The following ZNF892 variants were observed in gnomAD, a reference collection of about 807,000 sequenced individuals.
ZNF892 encodes zinc finger protein 892.
the ZNF892 span, chr2:95,215,609 A>T: frequency 2.5e-6 from 1 of 400,238 alleles, no homozygotes; most frequent in Non-Finnish European, 4.4e-6. Context: ...GATAAAGACT[A>T]TGTAAATGTG....
the ZNF892 span, among the ~76,000 whole-genome samples, chr2:95,211,126 A>G: frequency 6.6e-6 from 1 of 152,166 alleles, no homozygotes; most frequent in Non-Finnish European, 1.5e-5. Context: ...AAATAAGTCT[A>G]TATTCTGTGA....
At chr2:95,211,784 C>T in the ZNF892 span, 1 of 398,112 alleles carries the variant, frequency 2.5e-6, no homozygotes, top group South Asian at 1.3e-4. Flanking sequence ...TCCTCAGTTC[C>T]TAGGAGCTCC....
the ZNF892 span, among the ~76,000 whole-genome samples, chr2:95,262,919 G>A: frequency 6.6e-6 from 1 of 152,170 alleles, no homozygotes; most frequent in Non-Finnish European, 1.5e-5. Flanking sequence ...CCTATTATAG[G>A]CAGAATTCTA....
chr2:95,253,244 T>A, the ZNF892 span, among the ~76,000 whole-genome samples: 1 of 152,224 alleles, frequency 6.6e-6, no homozygotes, highest in South Asian at 2.1e-4. Context: ...TTAATCCATC[T>A]TGAATTAATT....
the ZNF892 span, among the ~76,000 whole-genome samples, chr2:95,239,458 A>G: frequency 1.3e-5 from 2 of 152,228 alleles, no homozygotes; most frequent in Non-Finnish European, 2.9e-5. Flanking sequence ...TTTGTGAAAG[A>G]AAGAGCCAAT....
chr2:95,256,179 C>A, the ZNF892 span, among the ~76,000 whole-genome samples: 1 of 152,138 alleles, frequency 6.6e-6, no homozygotes, highest in African/African-American at 2.4e-5. Context: ...ATGGTCTTTA[C>A]AATTTGGGAT....
the ZNF892 span, among the ~76,000 whole-genome samples, chr2:95,219,942 G>A: frequency 6.6e-6 from 1 of 152,158 alleles, no homozygotes; most frequent in Non-Finnish European, 1.5e-5. Flanking sequence ...ACATGGCCTC[G>A]ATTGACAGCA....
the ZNF892 span, among the ~76,000 whole-genome samples, chr2:95,247,803 A>G: frequency 6.6e-6 from 1 of 152,216 alleles, no homozygotes; most frequent in East Asian, 1.9e-4. Flanking sequence ...ACCATCTTAC[A>G]CCAGTAAGAA....
the ZNF892 span, among the ~76,000 whole-genome samples, chr2:95,211,379 A>G: frequency 6.6e-6 from 1 of 152,246 alleles, no homozygotes; most frequent in Non-Finnish European, 1.5e-5. Flanking sequence ...TTTACATTGA[A>G]GGTGCTTTCC....
chr2:95,253,363 C>T, the ZNF892 span, among the ~76,000 whole-genome samples: 1 of 152,106 alleles, frequency 6.6e-6, no homozygotes, highest in African/African-American at 2.4e-5. Flanking sequence ...TTTCTTGTTT[C>T]TGTCAGGTTT....
At chr2:95,219,571 A>T in the ZNF892 span, among the ~76,000 whole-genome samples, 1 of 152,154 alleles carries the variant, frequency 6.6e-6, no homozygotes, top group African/African-American at 2.4e-5. Flanking sequence ...CTCAGTGTTG[A>T]CATCTTTGGG....
chr2:95,212,141 G>A, the ZNF892 span: 1 of 398,240 alleles, frequency 2.5e-6, no homozygotes, highest in Non-Finnish European at 4.4e-6. Context: ...TAAAGACCAG[G>A]GAATGAACAC....
the ZNF892 span, among the ~76,000 whole-genome samples, chr2:95,217,341 A>G: frequency 6.6e-6 from 1 of 152,190 alleles, no homozygotes; most frequent in Non-Finnish European, 1.5e-5. Flanking sequence ...CGTTTAGTCC[A>G]TAAGATTCCA....
the ZNF892 span, among the ~76,000 whole-genome samples, chr2:95,224,697 CA>C: frequency 6.6e-6 from 1 of 152,192 alleles, no homozygotes; most frequent in African/African-American, 2.4e-5. Context: ...TGGGCAGGGC[CA>C]CAGACCCAAA....
the ZNF892 span, among the ~76,000 whole-genome samples, chr2:95,256,327 A>G: frequency 6.6e-6 from 1 of 152,280 alleles, no homozygotes; most frequent in South Asian, 2.1e-4. Context: ...TCCTTCACTT[A>G]TGAAGCTTAG....
At chr2:95,238,872 C>T in the ZNF892 span, among the ~76,000 whole-genome samples, 1 of 152,148 alleles carries the variant, frequency 6.6e-6, no homozygotes, top group Non-Finnish European at 1.5e-5. Flanking sequence ...GGCGCGGTGG[C>T]TCACGCCTGT....
At chr2:95,207,451 G>C in the ZNF892 span, 1 of 192,006 alleles carries the variant, frequency 5.2e-6, no homozygotes, top group East Asian at 1.3e-4. Flanking sequence ...GGTGGCCGCA[G>C]GGTCCTCTGG....
At chr2:95,261,296 CTTTT>C in the ZNF892 span, among the ~76,000 whole-genome samples, 4 of 141,530 alleles carry the variant, frequency 2.8e-5, no homozygotes, top group Non-Finnish European at 6.2e-5. Context: ...TTACACAATT[CTTTT>C]TTTTTTTTTT....
chr2:95,221,604 A>G, the ZNF892 span, among the ~76,000 whole-genome samples: 1 of 152,166 alleles, frequency 6.6e-6, no homozygotes, highest in African/African-American at 2.4e-5. Flanking sequence ...AGGTTTTTCT[A>G]AAAATGTATC....
Sources: allele counts gnomAD v4.1 joint callset (sites outside exome capture counted in the v4.1 genomes callset), GRCh38; gene constraint gnomAD v4.1.1; transcripts MANE v1.5; gene names NCBI Gene and HGNC (gene_info 2026-07-23, HGNC 2026-07-21).